The following ZNF608 variants were observed in gnomAD, a reference collection of about 807,000 sequenced individuals.
The protein encoded by ZNF608 is renal carcinoma antigen NY-REN-36.
ZNF608 carries 12 observed loss-of-function variants against 109.0 expected under a neutral mutation model. The observed-to-expected ratio is 0.11, with a 90% CI of 0.07 to 0.18. ZNF608 has a LOEUF of 0.18. ZNF608 is among the 10% of genes least tolerant of loss of function. ZNF608 has a pLI of 1.00. For missense variants in ZNF608, 1,707 were observed against 1,879.3 expected, an observed-to-expected ratio of 0.91 and a Z score of 1.70; for synonymous variants, 732 against 717.4, an observed-to-expected ratio of 1.02 and a Z score of -0.33.
intron 3 of ZNF608, among the ~76,000 whole-genome samples, chr5:124,683,658 C>T (rs1052337249): frequency 2.6e-5 from 4 of 152,048 alleles, no homozygotes; most frequent in Non-Finnish European, 5.9e-5. Context: ...TGTTATGGGC[C>T]TTGTAGAGCT....
Position 124,647,995 on chromosome 5 carries a change from C to T in ZNF608, c.2389G>A (p.Glu797Lys). 1.2e-6 allele frequency: 2 copies of T among 1,614,198 alleles called. No homozygotes were observed. The highest frequency in any genetic ancestry group is 1.1e-5 in the South Asian group (1 of 91,082). ...PIQPKPTIMG[E>K]PITVNPALVS... ...AGAGCTGGGTTCACGGTGATGGGCT[C>T]TCCCATAATTGTGGGCTTTGGTTGA... Residue 797 changes from glutamate to lysine, a missense_variant, in exon 5 of 10, where the codon GAG becomes AAG. Glu to Lys is a moderately conservative substitution (Grantham distance 56). Transcript: ENST00000513986.
chr5:124,677,034 G>A (rs768162312), intron 3 of ZNF608, among the ~76,000 whole-genome samples: 2 of 152,048 alleles, frequency 1.3e-5, no homozygotes, highest in Non-Finnish European at 2.9e-5. Context: ...GGAAATATAC[G>A]TTTGCTTTCA....
chr5:124,673,412 C>T (rs1325358546), intron 3 of ZNF608, among the ~76,000 whole-genome samples: 1 of 152,136 alleles, frequency 6.6e-6, no homozygotes, highest in East Asian at 1.9e-4. Flanking sequence ...ATTTTTTGGA[C>T]ACTGTAAAAC....
At chr5:124,649,243 C>G in intron 4 of ZNF608, 110 bp from the exon 5 acceptor site, 2 of 878,532 alleles carry the variant, frequency 2.3e-6, no homozygotes, top group Non-Finnish European at 3.3e-6. Flanking sequence ...AGCTTCAGGG[C>G]TGGGCCCAGT....
chr5:124,696,270 C>A (rs1752846830), intron 3 of ZNF608, among the ~76,000 whole-genome samples: 2 of 152,078 alleles, frequency 1.3e-5, no homozygotes, highest in Admixed American at 1.3e-4. Flanking sequence ...TTCCCAAAAT[C>A]AGTTTCCTTC....
intron 3 of ZNF608, among the ~76,000 whole-genome samples, chr5:124,653,323 C>T (rs896900201): frequency 3.9e-5 from 6 of 152,146 alleles, no homozygotes; most frequent in African/African-American, 7.2e-5. Context: ...AAGCCTGAGA[C>T]CTCATAAGGA....
chr5:124,716,483 C>T (rs549827446), intron 2 of ZNF608, among the ~76,000 whole-genome samples: 1 of 152,178 alleles, frequency 6.6e-6, no homozygotes, highest in South Asian at 2.1e-4. Flanking sequence ...CTAAAATATA[C>T]TAGGAAAAAG....
intron 7 of ZNF608, among the ~76,000 whole-genome samples, chr5:124,641,922 C>T (rs1750262046): frequency 6.6e-6 from 1 of 152,184 alleles, no homozygotes; most frequent in African/African-American, 2.4e-5. Context: ...CATTTTGAAT[C>T]TCTCAATTTT....
intron 3 of ZNF608, among the ~76,000 whole-genome samples, chr5:124,668,419 T>G (rs1751576810): frequency 6.6e-6 from 1 of 151,454 alleles, no homozygotes; most frequent in Non-Finnish European, 1.5e-5. Flanking sequence ...CACGTAATTT[T>G]CAAGCACAAA....
chr5:124,689,739 A>G (rs184412865), intron 3 of ZNF608, among the ~76,000 whole-genome samples: 21 of 152,328 alleles, frequency 1.4e-4, no homozygotes, highest in Non-Finnish European at 2.8e-4. Flanking sequence ...CAACACTGAC[A>G]ACACCAAATG....
At chr5:124,707,376 G>C (rs948721261) in intron 2 of ZNF608, among the ~76,000 whole-genome samples, 3 of 152,180 alleles carry the variant, frequency 2.0e-5, no homozygotes, top group Non-Finnish European at 2.9e-5. Flanking sequence ...CCTGGGATCA[G>C]GTCTAAACCC....
chr5:124,739,708 C>T (rs1749301269), intron 2 of ZNF608, among the ~76,000 whole-genome samples: 1 of 152,176 alleles, frequency 6.6e-6, no homozygotes, highest in South Asian at 2.1e-4. Flanking sequence ...TTTCAAGTTT[C>T]TATGAAGTAC....
intron 2 of ZNF608, chr5:124,735,301 A>AGAGCT (rs1310624958): frequency 1.3e-5 from 2 of 152,242 alleles, no homozygotes; most frequent in African/African-American, 4.8e-5. Flanking sequence ...GGCGTCGTGA[A>AGAGCT]GAGCTGACAG....
chr5:124,685,477 C>T (rs989792161), intron 3 of ZNF608, among the ~76,000 whole-genome samples: 2 of 152,176 alleles, frequency 1.3e-5, no homozygotes, highest in African/African-American at 4.8e-5. Context: ...TTCCAAAATA[C>T]ACAAACAATT....
chr5:124,660,490 T>C (rs537848041), intron 3 of ZNF608, among the ~76,000 whole-genome samples: 1 of 152,168 alleles, frequency 6.6e-6, no homozygotes, highest in Non-Finnish European at 1.5e-5. Flanking sequence ...TAGGGAAAGC[T>C]GAAAGGATGA....
Position 124,746,371 on chromosome 5 carries a change from C to A in ZNF608, c.-360G>T, listed in dbSNP as rs956315355. 3 of 985,098 alleles carry A rather than the reference C, an allele frequency of 3.0e-6. No homozygotes were observed. The highest frequency in any genetic ancestry group is 5.2e-4 in the Middle Eastern group (1 of 1,910). The allele number at this position is 985,098 out of a possible 1,614,324, so 61.0% of individuals were successfully genotyped here. ...TCGATAACATTATTCCACCTCCCCA[C>A]CCCCCTTTTGGCAAACGAATCAGTC... On this transcript the variant is annotated 5_prime_UTR_variant, in exon 1 of 10. Coordinates refer to ENST00000513986, the MANE Select transcript of ZNF608 (RefSeq NM_020747.3).
At chr5:124,660,074 T>G (rs998287613) in intron 3 of ZNF608, among the ~76,000 whole-genome samples, 4 of 152,050 alleles carry the variant, frequency 2.6e-5, no homozygotes, top group African/African-American at 9.7e-5. Flanking sequence ...CCAACAACAT[T>G]TACTGGAAAT....
At position 124,641,234 on chromosome 5, in the gene ZNF608, A is replaced by T; in HGVS notation, c.4450+18T>A. On this transcript the variant is annotated intron_variant, in intron 8 of 9. Coordinates refer to ENST00000513986, the MANE Select transcript of ZNF608 (RefSeq NM_020747.3). ...AAAGCAGAATGGACAAAGACACAGT[A>T]ATGATAGAGCTGCTGACCTTGAAAA... 6.2e-7 allele frequency: 1 copy of T among 1,613,308 alleles called. No homozygotes were observed. The highest frequency in any genetic ancestry group is 8.5e-7 in the Non-Finnish European group (1 of 1,180,004).
At chr5:124,713,319 A>C (rs1753573374) in intron 2 of ZNF608, among the ~76,000 whole-genome samples, 1 of 152,218 alleles carries the variant, frequency 6.6e-6, no homozygotes, top group Non-Finnish European at 1.5e-5. Context: ...CTCAGTCCAC[A>C]GTCTAGTTAA....
Sources: gnomAD v4.1 joint callset for allele counts (sites outside exome capture counted in the v4.1 genomes callset) on GRCh38, gnomAD v4.1.1 for gene constraint, MANE v1.5 for transcripts, NCBI Gene and HGNC (gene_info 2026-07-23, HGNC 2026-07-21) for gene names.